Variants in SIRPG observed in about 807,000 individuals in gnomAD.
The protein encoded by SIRPG is signal regulatory protein gamma, also known as signal-regulatory protein gamma.
SIRPG carries 38 observed loss-of-function variants against 35.7 expected under a neutral mutation model. The observed-to-expected ratio is 1.06, with a 90% confidence interval of 0.82 to 1.40. The LOEUF (loss-of-function observed/expected upper bound fraction) is 1.40. Ranked by LOEUF, SIRPG falls within the 40% of genes most tolerant of loss-of-function variation. The pLI is 0.00. For synonymous variants in SIRPG, 215 were observed against 190.4 expected, an observed-to-expected ratio of 1.13 and a Z score of -1.06; for missense variants, 519 against 483.0, an observed-to-expected ratio of 1.07 and a Z score of -0.70.
At chr20:1,665,929 C>T in the SIRPG span, among the ~76,000 whole-genome samples, 3 of 151,988 alleles carry the variant, frequency 2.0e-5, no homozygotes, top group Admixed American at 6.6e-5. Flanking sequence ...GCCTCAGGCA[C>T]GTCCTTCAGG....
At chr20:1,649,629 CTTTTTTTT>C (rs35561366) in intron 1 of SIRPG, among the ~76,000 whole-genome samples, 7 of 75,764 alleles carry the variant, frequency 9.2e-5, no homozygotes, top group East Asian at 9.2e-4. Context: ...CAGAGAGGTT[CTTTTTTTT>C]TTTTTTTTTT....
chr20:1,669,360 C>T, the SIRPG span, among the ~76,000 whole-genome samples: 11 of 152,244 alleles, frequency 7.2e-5, no homozygotes, highest in South Asian at 2.1e-4. Context: ...TATAGATGAA[C>T]GGAAATTTGC....
chr20:1,666,429 C>T, the SIRPG span: 2 of 152,184 alleles, frequency 1.3e-5, no homozygotes, highest in African/African-American at 2.4e-5. Flanking sequence ...TTGCTTGAGC[C>T]CAGAAGTTCT....
the SIRPG span, among the ~76,000 whole-genome samples, chr20:1,676,369 A>G: frequency 1.4e-4 from 21 of 152,194 alleles, no homozygotes; most frequent in African/African-American, 5.1e-4. Context: ...ATAGTTCAAC[A>G]TTGGGAGCAA....
At chr20:1,679,094 C>T in the SIRPG span, among the ~76,000 whole-genome samples, 2 of 152,174 alleles carry the variant, frequency 1.3e-5, no homozygotes, top group Non-Finnish European at 2.9e-5. Flanking sequence ...CTTCCCTGAT[C>T]TGTAGAAGGG....
At chr20:1,657,891 C>A, upstream of SIRPG, 1 of 573,366 alleles carries the variant, frequency 1.7e-6, no homozygotes, top group Non-Finnish European at 3.0e-6. Context: ...CAGTAGGCAG[C>A]TACAAAGCAA....
chr20:1,668,876 T>TC, the SIRPG span, among the ~76,000 whole-genome samples: 1 of 152,228 alleles, frequency 6.6e-6, no homozygotes, highest in South Asian at 2.1e-4. Context: ...CATCTCTGAT[T>TC]ATAGGGGAAA....
chr20:1,673,074 C>T, the SIRPG span, among the ~76,000 whole-genome samples: 1 of 152,154 alleles, frequency 6.6e-6, no homozygotes. Context: ...ACATCTTCTA[C>T]AACAATCACC....
the SIRPG span, among the ~76,000 whole-genome samples, chr20:1,682,488 A>T: frequency 6.6e-6 from 1 of 152,214 alleles, no homozygotes; most frequent in African/African-American, 2.4e-5. Context: ...AAAACTGTCA[A>T]TGAATTACAT....
At chr20:1,635,041 T>G (rs1383807049) in intron 4 of SIRPG, among the ~76,000 whole-genome samples, 2 of 105,428 alleles carry the variant, frequency 1.9e-5, no homozygotes, top group East Asian at 4.3e-4. Flanking sequence ...AGACTCCGTC[T>G]CAAAAAAAAA....
intron 1 of SIRPG, among the ~76,000 whole-genome samples, chr20:1,654,447 G>T (rs1279727647): frequency 2.6e-5 from 4 of 152,146 alleles, no homozygotes; most frequent in Non-Finnish European, 5.9e-5. Context: ...ATGGTGAAAG[G>T]TCTGTCTCTT....
intron 1 of SIRPG, among the ~76,000 whole-genome samples, chr20:1,654,248 A>G (rs1031750230): frequency 2.6e-5 from 4 of 151,978 alleles, no homozygotes; most frequent in Non-Finnish European, 2.9e-5. Context: ...AAAAAAAAAA[A>G]AAAAAGAACA....
chr20:1,629,190 G>A lies in SIRPG; in HGVS notation c.*449C>T, dbSNP rs1480059371. The A allele has an allele frequency of 1.3e-5, 2 of 152,192 alleles. No homozygotes were observed. Among genetic ancestry groups the A allele is most frequent in the Non-Finnish European group, 1.5e-5 (1 of 68,044 alleles). 9.4% of individuals were successfully genotyped at this position (152,192 alleles called of 1,614,324 possible). On this transcript the variant is annotated 3_prime_UTR_variant, in exon 6 of 6. Transcript: ENST00000303415. ...TTTTATTTTCTTAAAACCACTTTGG[G>A]AGTGCATTTGTATTCAAGAGGCAAT... is the stretch of plus-strand genomic sequence containing the variant.
At chr20:1,684,464 C>T in the SIRPG span, among the ~76,000 whole-genome samples, 1 of 151,706 alleles carries the variant, frequency 6.6e-6, no homozygotes, top group Non-Finnish European at 1.5e-5. Context: ...TTGTTCTGTC[C>T]TTATACTATA....
chr20:1,669,945 G>T, the SIRPG span: 1 of 220,952 alleles, frequency 4.5e-6, no homozygotes, highest in East Asian at 1.1e-4. Flanking sequence ...TGCTCCTGGT[G>T]GGCTGAGACC....
chr20:1,647,882 G>T (rs570954516), intron 2 of SIRPG: 17 of 152,322 alleles, frequency 1.1e-4, no homozygotes, highest in Admixed American at 3.9e-4. Context: ...CCTGATCCAT[G>T]GTTCTGTTTG....
chr20:1,677,258 T>C, the SIRPG span, among the ~76,000 whole-genome samples: 1 of 152,200 alleles, frequency 6.6e-6, no homozygotes, highest in African/African-American at 2.4e-5. Flanking sequence ...GGAAGTGTCA[T>C]ACTTTGCTAA....
At chr20:1,677,897 A>AT in the SIRPG span, among the ~76,000 whole-genome samples, 1 of 152,146 alleles carries the variant, frequency 6.6e-6, no homozygotes, top group Admixed American at 6.6e-5. Context: ...TGAATTTAGT[A>AT]TTTTTGCTTA....
At chr20:1,670,203 C>A in the SIRPG span, 1 of 260,782 alleles carries the variant, frequency 3.8e-6, no homozygotes, top group Non-Finnish European at 8.4e-6. Context: ...TGGTTCCCTG[C>A]CTTTATGGGC....
Sources: allele counts gnomAD v4.1 joint callset (sites outside exome capture counted in the v4.1 genomes callset), GRCh38; gene constraint gnomAD v4.1.1; transcripts MANE v1.5; gene names NCBI Gene and HGNC (gene_info 2026-07-23, HGNC 2026-07-21).